ELP4: variants seen among roughly 807,000 people sequenced by gnomAD.
ELP4 encodes elongator complex protein 4.
Under a neutral mutation model 48.9 loss-of-function variants are expected in ELP4, and 51 were observed. That is an observed-to-expected ratio of 1.04 (90% CI 0.83 to 1.32). The LOEUF is 1.32. ELP4 is among the 40% of genes most tolerant of loss of function. The pLI is 0.00. For missense variants in ELP4, 519 were observed against 514.6 expected (o/e 1.01, Z -0.08); for synonymous variants, 210 against 189.2 (o/e 1.11, Z -0.90).
At chr11:31,595,825 A>G (rs1957661141) in intron 4 of ELP4, among the ~76,000 whole-genome samples, 1 of 152,218 alleles carries the variant, frequency 6.6e-6, no homozygotes, top group Admixed American at 6.5e-5. Context: ...ATAAGCTCGC[A>G]ATATGAAATA....
chr11:31,780,563 A>G (rs1948348621), intron 9 of ELP4: 2 of 152,220 alleles, frequency 1.3e-5, no homozygotes, highest in African/African-American at 4.8e-5. Context: ...TATTACCCCT[A>G]AATTTTTATG....
chr11:31,513,681 G>A (rs889196239), intron 1 of ELP4, among the ~76,000 whole-genome samples: 3 of 152,028 alleles, frequency 2.0e-5, no homozygotes, highest in Non-Finnish European at 4.4e-5. Flanking sequence ...TTAGTCAGAG[G>A]TTTCTATTGG....
At chr11:31,678,440 G>GA (rs1945976434) in intron 9 of ELP4, among the ~76,000 whole-genome samples, 1 of 151,666 alleles carries the variant, frequency 6.6e-6, no homozygotes, top group Non-Finnish European at 1.5e-5. Context: ...GACATATCAA[G>GA]ACCCTGTCTC....
intron 9 of ELP4, among the ~76,000 whole-genome samples, chr11:31,662,285 A>C (rs1426281570): frequency 6.6e-6 from 1 of 152,116 alleles, no homozygotes; most frequent in Admixed American, 6.6e-5. Context: ...TTTCTTTAGC[A>C]TTCAATTATT....
At chr11:31,603,072 T>C (rs2134001746) in intron 4 of ELP4, among the ~76,000 whole-genome samples, 1 of 152,014 alleles carries the variant, frequency 6.6e-6, no homozygotes, top group East Asian at 1.9e-4. Context: ...AGATAATTTG[T>C]TAGAGAAATT....
intron 9 of ELP4, among the ~76,000 whole-genome samples, chr11:31,672,150 A>T (rs998365645): frequency 5.3e-5 from 8 of 152,082 alleles, no homozygotes; most frequent in African/African-American, 1.9e-4. Context: ...CCCTGTAAAG[A>T]CACTCCCTGG....
At chr11:31,571,549 C>G (rs1957193588) in intron 3 of ELP4, among the ~76,000 whole-genome samples, 1 of 152,168 alleles carries the variant, frequency 6.6e-6, no homozygotes, top group Non-Finnish European at 1.5e-5. Flanking sequence ...CTTATGGCAG[C>G]TAGAATAGTA....
intron 9 of ELP4, among the ~76,000 whole-genome samples, chr11:31,746,808 C>T (rs990978098): frequency 1.3e-5 from 2 of 151,954 alleles, no homozygotes; most frequent in Non-Finnish European, 2.9e-5. Context: ...TTAATGGGTG[C>T]AGCACACCAA....
intron 3 of ELP4, among the ~76,000 whole-genome samples, chr11:31,575,584 C>T (rs1035664359): frequency 1.3e-5 from 2 of 152,202 alleles, no homozygotes; most frequent in African/African-American, 4.8e-5. Context: ...AGACTAACAG[C>T]TGATCTCTCG....
chr11:31,513,574 A>G (rs1474012818), intron 1 of ELP4, among the ~76,000 whole-genome samples: 1 of 152,126 alleles, frequency 6.6e-6, no homozygotes, highest in Non-Finnish European at 1.5e-5. Context: ...ATCTTTCTTG[A>G]CTTTCATTTC....
chr11:31,588,814 G>A (rs1592141049), intron 3 of ELP4, among the ~76,000 whole-genome samples: 1 of 151,910 alleles, frequency 6.6e-6, no homozygotes, highest in Non-Finnish European at 1.5e-5. Flanking sequence ...AAAATCCGAT[G>A]TCTACTAAAA....
At chr11:31,545,300 G>T (rs1018444532) in intron 3 of ELP4, among the ~76,000 whole-genome samples, 1 of 152,202 alleles carries the variant, frequency 6.6e-6, no homozygotes, top group East Asian at 1.9e-4. Context: ...GGAGCTGATG[G>T]AGCTGAAAGC....
At chr11:31,674,638 T>C (rs12283526) in intron 9 of ELP4, among the ~76,000 whole-genome samples, 229 of 152,320 alleles carry the variant, frequency 1.5e-3, no homozygotes, top group African/African-American at 5.5e-3. Flanking sequence ...CCGCCAACCA[T>C]TTTTCTTAAT....
intron 9 of ELP4, among the ~76,000 whole-genome samples, chr11:31,695,624 T>TTTG (rs974409111): frequency 7.8e-4 from 117 of 150,262 alleles, no homozygotes; most frequent in African/African-American, 2.7e-3. Flanking sequence ...ATTATCTTTT[T>TTTG]TTGTTGTTGT....
intron 3 of ELP4, among the ~76,000 whole-genome samples, chr11:31,579,792 G>T: frequency 8.0e-6 from 1 of 124,678 alleles, no homozygotes; most frequent in African/African-American, 2.9e-5. Context: ...TCATGGGGTG[G>T]GGGGAGGGGT....
At chr11:31,672,202 A>T (rs1241025371) in intron 9 of ELP4, among the ~76,000 whole-genome samples, 1 of 152,194 alleles carries the variant, frequency 6.6e-6, no homozygotes, top group East Asian at 1.9e-4. Flanking sequence ...TAAGTGATTT[A>T]TGACAATGGA....
At chr11:31,626,259 T>G (rs530674998) in intron 5 of ELP4, among the ~76,000 whole-genome samples, 1 of 151,986 alleles carries the variant, frequency 6.6e-6, no homozygotes, top group Non-Finnish European at 1.5e-5. Context: ...TTACTTAGGA[T>G]CACAGTAAAG....
At chr11:31,664,715 G>A (rs1346387138) in intron 9 of ELP4, among the ~76,000 whole-genome samples, 1 of 151,938 alleles carries the variant, frequency 6.6e-6, no homozygotes, top group East Asian at 1.9e-4. Flanking sequence ...ATATGCAGCT[G>A]AAGGAAAGAT....
chr11:31,770,160 A>G (rs1948108282), intron 9 of ELP4, among the ~76,000 whole-genome samples: 1 of 152,168 alleles, frequency 6.6e-6, no homozygotes, highest in African/African-American at 2.4e-5. Context: ...TCTGGAGCTT[A>G]TATGCTCCGG....
Sources: allele counts gnomAD v4.1 joint callset (sites outside exome capture counted in the v4.1 genomes callset), GRCh38; gene constraint gnomAD v4.1.1; transcripts MANE v1.5; gene names NCBI Gene and HGNC (gene_info 2026-07-23, HGNC 2026-07-21).